IL2RB: variants seen among roughly 807,000 people sequenced by gnomAD.
The protein encoded by IL2RB is interleukin 2 receptor subunit beta, also known as interleukin-2 receptor subunit beta.
In IL2RB, 17 loss-of-function variants were observed where a neutral mutation model predicts 44.2. The ratio of observed to expected loss-of-function variants is 0.38; its 90% CI spans 0.26 to 0.58. The LOEUF (loss-of-function observed/expected upper bound fraction) is 0.58. Ranked by LOEUF, IL2RB falls within the 20% of genes least tolerant of loss-of-function variation. IL2RB has a pLI of 0.63. For synonymous variants in IL2RB, 286 were observed against 297.9 expected (o/e 0.96, Z 0.41); for missense variants, 624 against 685.5 (o/e 0.91, Z 1.00).
chr22:37,157,749 A>T (rs1297224229), intron 1 of IL2RB, among the ~76,000 whole-genome samples: 1 of 152,106 alleles, frequency 6.6e-6, no homozygotes, highest in Non-Finnish European at 1.5e-5. Context: ...AGCCTTGCTT[A>T]TGAGTCTACA....
At chr22:37,156,019 C>A (rs1171290045) in intron 1 of IL2RB, among the ~76,000 whole-genome samples, 1 of 152,224 alleles carries the variant, frequency 6.6e-6, no homozygotes, top group East Asian at 1.9e-4. Context: ...CCAAGCCAGA[C>A]TGCATCCTCC....
At chr22:37,143,480 C>A (rs1922064907) in intron 3 of IL2RB, 41 bp downstream of exon 3, 1 of 1,326,862 alleles carries the variant, frequency 7.5e-7, no homozygotes, top group Non-Finnish European at 1.1e-6. Context: ...AATATGAGAT[C>A]CCACCATCCT....
At chr22:37,159,599 T>C (rs1387554180) in intron 1 of IL2RB, among the ~76,000 whole-genome samples, 2 of 152,156 alleles carry the variant, frequency 1.3e-5, no homozygotes, top group Non-Finnish European at 2.9e-5. Flanking sequence ...AGTCCTAGCA[T>C]TTGTGTTCCA....
chr22:37,142,791 A>G, intron 3 of IL2RB: 1 of 574,518 alleles, frequency 1.7e-6, no homozygotes, highest in Non-Finnish European at 3.2e-6. Flanking sequence ...AGTCCTCCCC[A>G]CCTAGAGCCC....
chr22:37,139,524 C>T (rs112753491), intron 4 of IL2RB, among the ~76,000 whole-genome samples: 1 of 152,152 alleles, frequency 6.6e-6, no homozygotes, highest in Admixed American at 6.6e-5. Context: ...AGGCAGTGGG[C>T]TGGATATGGC....
At chr22:37,138,218 A>G (rs1163573816) in intron 5 of IL2RB, among the ~76,000 whole-genome samples, 1 of 152,214 alleles carries the variant, frequency 6.6e-6, no homozygotes, top group Non-Finnish European at 1.5e-5. Flanking sequence ...AAGTGTGATG[A>G]TTATAACACT....
chr22:37,149,211 T>A (rs1922369988), intron 1 of IL2RB, among the ~76,000 whole-genome samples: 1 of 152,176 alleles, frequency 6.6e-6, no homozygotes, highest in East Asian at 1.9e-4. Flanking sequence ...TGTCCGGAGA[T>A]GCTTCTGACC....
intron 7 of IL2RB, 144 bp downstream of exon 7, chr22:37,136,084 G>A (rs1190596786): frequency 2.4e-5 from 21 of 862,774 alleles, no homozygotes; most frequent in Non-Finnish European, 3.5e-5. Context: ...TGTCTGAAAA[G>A]CGAGCCCCCT....
At chr22:37,162,834 C>T (rs1049778740) in intron 1 of IL2RB, among the ~76,000 whole-genome samples, 28 of 152,162 alleles carry the variant, frequency 1.8e-4, no homozygotes, top group Admixed American at 1.8e-3. Context: ...CATCCTACCC[C>T]TGCCTGCCTA....
At position 37,135,481 on chromosome 22, in the gene IL2RB, G is replaced by C. The variant is rs3218305; in HGVS notation, c.704-39C>G. On this transcript the variant is annotated intron_variant, in intron 7 of 9. Coordinates refer to ENST00000216223, the MANE Select transcript of IL2RB (RefSeq NM_000878.5). ...GGAGAAACAGCAAGGAGAGGGGTTAGAGAAGTGCCCTCACTCACCCTGGGT... is the reference window on the plus strand; with the variant it reads ...GGAGAAACAGCAAGGAGAGGGGTTACAGAAGTGCCCTCACTCACCCTGGGT... 20,588 of 1,349,436 alleles carry C rather than the reference G, an allele frequency of 0.015. 1,305 individuals are homozygous for C. In the East Asian group the frequency reaches 0.19, roughly 12 times the overall value. 83.6% of individuals were successfully genotyped at this position (1,349,436 alleles called of 1,614,324 possible).
intron 1 of IL2RB, among the ~76,000 whole-genome samples, chr22:37,158,663 C>T (rs1400131570): frequency 6.6e-6 from 1 of 152,240 alleles, no homozygotes; most frequent in East Asian, 1.9e-4. Flanking sequence ...GGGTGCACCA[C>T]TGCTCAGGTA....
intron 1 of IL2RB, among the ~76,000 whole-genome samples, chr22:37,169,155 A>G (rs775140804): frequency 8.1e-5 from 12 of 148,980 alleles, no homozygotes; most frequent in Non-Finnish European, 1.5e-4. Flanking sequence ...CTGTTTACAG[A>G]GGGGTTCTTG....
chr22:37,139,106 TC>T lies in IL2RB; in HGVS notation c.388+10del. ...GCCCTGCCCCAGCCCCACCCTGGCT[TC>T]CTCACTCACGGTTCTCAAAGGGCTT... On this transcript the variant is annotated intron_variant, in intron 5 of 9. Coordinates refer to ENST00000216223, the MANE Select transcript of IL2RB (RefSeq NM_000878.5). 1 of 1,585,018 alleles carries T rather than the reference TC, an allele frequency of 6.3e-7. No individual in the cohort carries two copies. The highest frequency in any genetic ancestry group is 8.7e-7 in the Non-Finnish European group (1 of 1,153,596).
intron 1 of IL2RB, among the ~76,000 whole-genome samples, chr22:37,146,451 C>A (rs953465608): frequency 6.6e-6 from 1 of 152,194 alleles, no homozygotes; most frequent in African/African-American, 2.4e-5. Context: ...CCGCACCTAC[C>A]TGCCTGCACA....
intron 2 of IL2RB, 60 bp downstream of exon 2, chr22:37,144,025 C>A: frequency 6.5e-7 from 1 of 1,550,040 alleles, no homozygotes; most frequent in Non-Finnish European, 8.7e-7. Flanking sequence ...GAGGCTTTAG[C>A]AGGGCCTTAG....
rs1434273158 is a variant in IL2RB, at chr22:37,131,593, C to T, written c.903+791G>A. On this transcript the variant is annotated intron_variant, in intron 9 of 9. Transcript: ENST00000216223. ...TGACGGGAAGACTTGTTAGTATCCA[C>T]GCTAAGTTATGGAGCCTGCTCAGGA... Among the ~76,000 whole-genome samples the T allele has an allele frequency of 5.3e-5, 8 of 152,120 alleles. No individual in the cohort carries two copies. The South Asian group carries it at 6.2e-4, about 12-fold the overall frequency.
intron 1 of IL2RB, among the ~76,000 whole-genome samples, chr22:37,165,868 A>G (rs1411016483): frequency 1.3e-5 from 2 of 152,096 alleles, no homozygotes; most frequent in Admixed American, 6.5e-5. Context: ...CCAACCGTCC[A>G]CAACTCCCCT....
rs147708411 is a variant in IL2RB, at chr22:37,146,860, G to A, written c.-33-2655C>T. Among the ~76,000 whole-genome samples the A allele has an allele frequency of 2.4e-3, 358 of 151,818 alleles. 2 individuals are homozygous for A. Among genetic ancestry groups the A allele is most frequent in the Non-Finnish European group, 4.1e-3 (280 of 67,976 alleles). On this transcript the variant is annotated intron_variant, in intron 1 of 9. Transcript: ENST00000216223. ...TCTTTAGGTGGCCCTGGATTGTCTC[G>A]TGGCTTACATCAGAGCCAGCATGGA...
At chr22:37,160,843 C>CA (rs1196337276) in intron 1 of IL2RB, among the ~76,000 whole-genome samples, 3 of 151,340 alleles carry the variant, frequency 2.0e-5, no homozygotes, top group African/African-American at 4.9e-5. Flanking sequence ...GACTCAGTCT[C>CA]AAAAAAACAA....
Sources: allele counts gnomAD v4.1 joint callset (sites outside exome capture counted in the v4.1 genomes callset), GRCh38; gene constraint gnomAD v4.1.1; transcripts MANE v1.5; gene names NCBI Gene and HGNC (gene_info 2026-07-23, HGNC 2026-07-21).